SERGEF: variants seen among roughly 807,000 people sequenced by gnomAD.
SERGEF encodes secretion regulating guanine nucleotide exchange factor.
In SERGEF, 51 loss-of-function variants were observed where a neutral mutation model predicts 50.0. The observed-to-expected ratio is 1.02, with a 90% CI of 0.81 to 1.29. The LOEUF (loss-of-function observed/expected upper bound fraction) is 1.29. Ranked by LOEUF, SERGEF falls within the 50% of genes most tolerant of loss-of-function variation. The pLI, the probability that SERGEF is intolerant of heterozygous loss-of-function variation, is 0.00. For missense variants in SERGEF, 521 were observed against 557.0 expected, an observed-to-expected ratio of 0.94 and a Z score of 0.65; for synonymous variants, 205 against 212.4, an observed-to-expected ratio of 0.97 and a Z score of 0.30.
In SERGEF at chr11:17,996,026, T is replaced by A. The variant is rs1032267950; in HGVS notation, c.509-117A>T. On this transcript the variant is annotated intron_variant, in intron 5 of 10. Transcript: ENST00000265965. ...AATTCTTTCTCAGTTAATATGAGTG[T>A]TATGGAGAAGCTCAATTGCTTCAAG... is the stretch of plus-strand genomic sequence containing the variant. The A allele has an allele frequency of 9.5e-6, 7 of 734,630 alleles. No individual in the cohort carries two copies. In the African/African-American group the frequency reaches 1.2e-4, roughly 13 times the overall value. 45.5% of individuals were successfully genotyped at this position (734,630 alleles called of 1,614,324 possible). A position where few individuals can be genotyped will look rare whatever the true frequency, so the allele number is the denominator to read the frequency against.
intron 10 of SERGEF, among the ~76,000 whole-genome samples, chr11:17,838,057 C>T (rs904281368): frequency 1.3e-5 from 2 of 152,218 alleles, no homozygotes; most frequent in Non-Finnish European, 2.9e-5. Flanking sequence ...AGGGCATGCA[C>T]AACACTAGAA....
intron 9 of SERGEF, among the ~76,000 whole-genome samples, chr11:17,910,793 TAA>T (rs3835345): frequency 1.8e-4 from 27 of 150,638 alleles, no homozygotes; most frequent in African/African-American, 3.2e-4. Flanking sequence ...AAAGCCACTT[TAA>T]AAAAAAAAAG....
chr11:17,860,866 A>G (rs1413154330), intron 10 of SERGEF, among the ~76,000 whole-genome samples: 1 of 152,222 alleles, frequency 6.6e-6, no homozygotes, highest in African/African-American at 2.4e-5. Context: ...TTAGTGAGAC[A>G]GTGTAAGAGT....
At position 17,884,208 on chromosome 11, in the gene SERGEF, G is replaced by A. The variant is rs1328209730; in HGVS notation, c.1012-5964C>T. 6.6e-6 allele frequency among the ~76,000 whole-genome samples: 1 copy of A among 152,232 alleles called. No homozygotes were observed. Among genetic ancestry groups the A allele is most frequent in the East Asian group, 1.9e-4 (1 of 5,198 alleles). The stretch of plus-strand genomic sequence containing the variant: ...CAGGTGCTATGGCAACGAGGCGTAC[G>A]TGCGGAAACACATGATGGCCAGGGT... On this transcript the variant is annotated intron_variant, in intron 9 of 10. Transcript: ENST00000265965. This position sits in a 1 kb window ranked among gnomAD's most constrained non-coding sequence, Gnocchi z 4.6.
At chr11:17,883,094 G>A (rs1393851553) in intron 9 of SERGEF, among the ~76,000 whole-genome samples, 2 of 152,074 alleles carry the variant, frequency 1.3e-5, no homozygotes, top group Non-Finnish European at 2.9e-5. Flanking sequence ...CTCAGCCTGC[G>A]AAGTCAGAGC....
intron 10 of SERGEF, among the ~76,000 whole-genome samples, chr11:17,833,062 G>A (rs1391955305): frequency 2.0e-5 from 3 of 152,216 alleles, no homozygotes; most frequent in Admixed American, 2.0e-4. Context: ...GGAGCCAAAT[G>A]TTAATCCCCA....
At chr11:17,903,388 C>T (rs1303867835) in intron 9 of SERGEF, among the ~76,000 whole-genome samples, 3 of 152,138 alleles carry the variant, frequency 2.0e-5, no homozygotes, top group East Asian at 1.9e-4. Flanking sequence ...GGCCTGGGGA[C>T]AGAAGATAAT....
At chr11:17,851,965 A>G (rs1850723022) in intron 10 of SERGEF, among the ~76,000 whole-genome samples, 1 of 152,176 alleles carries the variant, frequency 6.6e-6, no homozygotes, top group African/African-American at 2.4e-5. Context: ...TCAAATGTCT[A>G]TTACTGAGTT....
chr11:17,834,854 G>A (rs1337329624), intron 10 of SERGEF, among the ~76,000 whole-genome samples: 1 of 152,108 alleles, frequency 6.6e-6, no homozygotes, highest in African/African-American at 2.4e-5. Flanking sequence ...GATCCCTCTA[G>A]TACTTCTCTC....
rs191492921 is a variant in SERGEF, at chr11:17,991,894, C to T, written c.685+1037G>A. Among the ~76,000 whole-genome samples the T allele has an allele frequency of 3.0e-4, 46 of 152,326 alleles. No homozygotes were observed. Among genetic ancestry groups the T allele is most frequent in the Admixed American group, 1.6e-3 (24 of 15,308 alleles). On this transcript the variant is annotated intron_variant, in intron 7 of 10. Coordinates refer to ENST00000265965, the MANE Select transcript of SERGEF (RefSeq NM_012139.4). This position sits in a 1 kb window ranked among gnomAD's most constrained non-coding sequence, Gnocchi z 4.9. The stretch of plus-strand genomic sequence containing the variant: ...AAAACACTAAGTACGGAAGTCCCTC[C>T]TCTTTGCTTAAAAAATAGAATACAT...
chr11:17,868,761 A>C (rs12275871), intron 10 of SERGEF, among the ~76,000 whole-genome samples: 41,996 of 151,934 alleles, frequency 0.28, 6,665 homozygotes, highest in East Asian at 0.51. Flanking sequence ...GAAAGCAAGG[A>C]GGAGAAAGTC....
At chr11:17,933,676 T>C (rs978792232) in intron 9 of SERGEF, among the ~76,000 whole-genome samples, 11 of 151,668 alleles carry the variant, frequency 7.3e-5, no homozygotes, top group African/African-American at 1.9e-4. Flanking sequence ...AAACCCTCTA[T>C]TGAAGAACAA....
intron 5 of SERGEF, among the ~76,000 whole-genome samples, chr11:17,999,898 T>C (rs952535016): frequency 1.3e-5 from 2 of 152,230 alleles, no homozygotes; most frequent in East Asian, 3.8e-4. Flanking sequence ...ATGTAAAATG[T>C]AACTCGCATC....
intron 10 of SERGEF, among the ~76,000 whole-genome samples, chr11:17,842,328 A>G (rs530028543): frequency 6.6e-6 from 1 of 152,278 alleles, no homozygotes; most frequent in East Asian, 1.9e-4. Flanking sequence ...AGACTAACAG[A>G]AACTGTTGAT....
chr11:17,820,854 T>C (rs966833657), intron 10 of SERGEF, among the ~76,000 whole-genome samples: 1 of 152,132 alleles, frequency 6.6e-6, no homozygotes, highest in African/African-American at 2.4e-5. Context: ...GGAGGCAGTG[T>C]GACCATGGAG....
intron 10 of SERGEF, among the ~76,000 whole-genome samples, chr11:17,796,306 A>G (rs1370722575): frequency 2.0e-5 from 3 of 152,170 alleles, no homozygotes; most frequent in Non-Finnish European, 4.4e-5. Context: ...CTGGCAGAGG[A>G]CACAGGCACT....
intron 10 of SERGEF, among the ~76,000 whole-genome samples, chr11:17,826,260 T>C (rs1240539545): frequency 6.6e-6 from 1 of 152,244 alleles, no homozygotes; most frequent in Non-Finnish European, 1.5e-5. Flanking sequence ...TCCTTTGATA[T>C]TTCTGAAAGG....
At position 17,959,778 on chromosome 11, in the gene SERGEF, A is replaced by G. The variant is rs211147; in HGVS notation, c.845-142T>C. On this transcript the variant is annotated intron_variant, in intron 8 of 10. Transcript: ENST00000265965. ...TCCTATCTTCCTGTAAAGAAGGCACATGCACTCATATTTTTACAGATGTGG... is the reference window on the plus strand; with the variant it reads ...TCCTATCTTCCTGTAAAGAAGGCACGTGCACTCATATTTTTACAGATGTGG... 6,304 of 682,006 alleles carry G rather than the reference A, an allele frequency of 9.2e-3. 336 individuals are homozygous for G. The East Asian group carries it at 0.12, about 13-fold the overall frequency. 42.2% of individuals were successfully genotyped at this position (682,006 alleles called of 1,614,324 possible). A position where few individuals can be genotyped will look rare whatever the true frequency, so the allele number is the denominator to read the frequency against.
chr11:17,994,687 A>C (rs189115995), intron 6 of SERGEF, among the ~76,000 whole-genome samples: 186 of 152,262 alleles, frequency 1.2e-3, no homozygotes, highest in African/African-American at 4.4e-3. Context: ...TGTCATGTGA[A>C]GTGGACTACC....
Sources: gnomAD v4.1 joint callset for allele counts (sites outside exome capture counted in the v4.1 genomes callset) on GRCh38, gnomAD v4.1.1 for gene constraint, Gnocchi (gnomAD v3.1) non-coding constraint, MANE v1.5 for transcripts, NCBI Gene and HGNC (gene_info 2026-07-23, HGNC 2026-07-21) for gene names.